The following NCMAP variants were observed in gnomAD, a reference collection of about 807,000 sequenced individuals.
The protein encoded by NCMAP is non-compact myelin associated protein, also known as noncompact myelin-associated protein.
In NCMAP, 8 loss-of-function variants were observed where a neutral mutation model predicts 7.8. The ratio of observed to expected loss-of-function variants is 1.02; its 90% CI spans 0.60 to 1.84. NCMAP has a LOEUF of 1.84. Among genes scored for constraint, NCMAP ranks in the 40% most tolerant of loss-of-function variants. NCMAP has a pLI of 0.00. For missense variants in NCMAP, 112 were observed against 131.4 expected (o/e 0.85, Z 0.72); for synonymous variants, 41 against 52.9 (o/e 0.78, Z 0.98).
At chr1:24,565,506 ATTTAT>A (rs1651200567) in intron 1 of NCMAP, among the ~76,000 whole-genome samples, 2 of 150,958 alleles carry the variant, frequency 1.3e-5, no homozygotes, top group Non-Finnish European at 2.9e-5. Flanking sequence ...ATTTCATCTA[ATTTAT>A]TTCATTGTTA....
At chr1:24,564,112 C>G (rs1007310639) in intron 1 of NCMAP, 1 of 152,078 alleles carries the variant, frequency 6.6e-6, no homozygotes, top group Non-Finnish European at 1.5e-5. Context: ...GCCTGAATAT[C>G]AGGATGGATA....
chr1:24,567,606 C>G (rs1240478996), intron 1 of NCMAP, among the ~76,000 whole-genome samples: 5 of 152,134 alleles, frequency 3.3e-5, no homozygotes, highest in Non-Finnish European at 7.3e-5. Flanking sequence ...CAAGAAGGAA[C>G]TAGAGAGGAG....
intron 1 of NCMAP, among the ~76,000 whole-genome samples, chr1:24,574,554 A>G (rs1302988027): frequency 6.6e-6 from 1 of 152,132 alleles, no homozygotes; most frequent in Non-Finnish European, 1.5e-5. Flanking sequence ...CCACGATTGC[A>G]TAAGCCCATT....
At chr1:24,567,991 C>G (rs6663807) in intron 1 of NCMAP, among the ~76,000 whole-genome samples, 13,974 of 151,964 alleles carry the variant, frequency 0.092, 740 homozygotes, top group Middle Eastern at 0.15. Context: ...ACGCCCTGGC[C>G]GTATTGGAAT....
intron 1 of NCMAP, among the ~76,000 whole-genome samples, chr1:24,575,644 G>A (rs1005421364): frequency 1.6e-4 from 24 of 152,148 alleles, no homozygotes; most frequent in African/African-American, 4.1e-4. Flanking sequence ...CAATTGCCCC[G>A]TTTTAAAACT....
chr1:24,574,536 C>T (rs996393309), intron 1 of NCMAP, among the ~76,000 whole-genome samples: 1 of 152,160 alleles, frequency 6.6e-6, no homozygotes, highest in African/African-American at 2.4e-5. Flanking sequence ...CACCGGACTT[C>T]GCAGCCTCCA....
In NCMAP at chr1:24,563,287, C is replaced by T. The variant is rs189050126; in HGVS notation, c.-8+7118C>T. ...CTGTAATCCCAGCAATTTGGGAGGC[C>T]GAGGCAGGCAGATGACCTGAGGTTG... On this transcript the variant is annotated intron_variant, in intron 1 of 3. Coordinates refer to ENST00000374392, the MANE Select transcript of NCMAP (RefSeq NM_001010980.5). Among the ~76,000 whole-genome samples the T allele has an allele frequency of 4.0e-5, 6 of 150,904 alleles. No homozygotes were observed. The East Asian group carries it at 5.8e-4, about 15-fold the overall frequency.
At chr1:24,594,835 G>C (rs1652163565) in intron 1 of NCMAP, among the ~76,000 whole-genome samples, 1 of 152,138 alleles carries the variant, frequency 6.6e-6, no homozygotes, top group African/African-American at 2.4e-5. Flanking sequence ...AGGCTGCAGA[G>C]AGCCGTGATT....
intron 1 of NCMAP, among the ~76,000 whole-genome samples, chr1:24,558,289 C>G (rs1298978520): frequency 1.3e-5 from 2 of 152,210 alleles, no homozygotes; most frequent in Non-Finnish European, 2.9e-5. Context: ...GGGAGCAAGG[C>G]TGCCTTGCTT....
chr1:24,573,571 T>C (rs1215430234), intron 1 of NCMAP, among the ~76,000 whole-genome samples: 3 of 149,520 alleles, frequency 2.0e-5, no homozygotes, highest in Admixed American at 6.6e-5. Context: ...ATGAGTGACA[T>C]AGCAAGACTC....
intron 2 of NCMAP, among the ~76,000 whole-genome samples, chr1:24,600,479 C>T (rs925842379): frequency 2.6e-5 from 4 of 152,192 alleles, no homozygotes; most frequent in African/African-American, 7.2e-5. Flanking sequence ...TGCATCAACA[C>T]GATCACATTG....
At chr1:24,557,823 C>G (rs562978586) in intron 1 of NCMAP, among the ~76,000 whole-genome samples, 1 of 152,146 alleles carries the variant, frequency 6.6e-6, no homozygotes, top group East Asian at 1.9e-4. Flanking sequence ...GCCAAGCCAG[C>G]CAGCCGCGGC....
At chr1:24,577,134 G>A (rs771934288) in intron 1 of NCMAP, among the ~76,000 whole-genome samples, 14 of 151,602 alleles carry the variant, frequency 9.2e-5, no homozygotes, top group African/African-American at 2.4e-4. Flanking sequence ...GTGAGACTCC[G>A]TCTCAAAAAA....
chr1:24,586,401 A>C (rs1651881422), intron 1 of NCMAP, among the ~76,000 whole-genome samples: 1 of 152,268 alleles, frequency 6.6e-6, no homozygotes, highest in Non-Finnish European at 1.5e-5. Context: ...GCGAATGGAC[A>C]GCAGACCATC....
At chr1:24,603,803 G>GA (rs1231227440) in intron 3 of NCMAP, among the ~76,000 whole-genome samples, 52 of 137,246 alleles carry the variant, frequency 3.8e-4, no homozygotes, top group Admixed American at 3.5e-3. Flanking sequence ...GTAATAGAGA[G>GA]AAAAAAAGCA....
chr1:24,596,729 C>G (rs1652241745), intron 2 of NCMAP, among the ~76,000 whole-genome samples: 1 of 152,112 alleles, frequency 6.6e-6, no homozygotes, highest in African/African-American at 2.4e-5. Context: ...TATTTTTATA[C>G]TATATTGCAA....
chr1:24,596,932 C>A (rs1652250201), intron 2 of NCMAP, among the ~76,000 whole-genome samples: 1 of 151,966 alleles, frequency 6.6e-6, no homozygotes, highest in African/African-American at 2.4e-5. Flanking sequence ...TACACATATA[C>A]CCCTGGGCAT....
intron 1 of NCMAP, 120 bp downstream of exon 1, chr1:24,556,289 G>C (rs916211763): frequency 5.9e-5 from 9 of 152,354 alleles, no homozygotes; most frequent in Non-Finnish European, 1.2e-4. Flanking sequence ...GGGCCCGGGG[G>C]TGGGGACGAG....
intron 3 of NCMAP, among the ~76,000 whole-genome samples, chr1:24,601,285 ATTTG>A (rs538276712): frequency 1.1e-3 from 167 of 152,258 alleles, no homozygotes; most frequent in African/African-American, 3.2e-3. Flanking sequence ...TGTGGTAAAC[ATTTG>A]TTTGTAATTT....
Sources: allele counts gnomAD v4.1 joint callset (sites outside exome capture counted in the v4.1 genomes callset), GRCh38; gene constraint gnomAD v4.1.1; transcripts MANE v1.5; gene names NCBI Gene and HGNC (gene_info 2026-07-23, HGNC 2026-07-21).